The following POLR2D variants were observed in gnomAD, a reference collection of about 807,000 sequenced individuals.
The protein encoded by POLR2D is RNA polymerase II subunit D.
Under a neutral mutation model 17.6 loss-of-function variants are expected in POLR2D, and 10 were observed. That is an observed-to-expected ratio of 0.57 (90% CI 0.35 to 0.96). The LOEUF (loss-of-function observed/expected upper bound fraction) is 0.96. Among genes scored for constraint, POLR2D ranks in the 40% least tolerant of loss-of-function variants. POLR2D has a pLI of 0.02. For missense variants in POLR2D, 126 were observed against 176.4 expected (o/e 0.71, Z 1.62); for synonymous variants, 52 against 60.2 (o/e 0.86, Z 0.63).
At chr2:127,853,268 T>C (rs1690278073) in intron 1 of POLR2D, among the ~76,000 whole-genome samples, 163 bp from the exon 2 acceptor site, 1 of 152,192 alleles carries the variant, frequency 6.6e-6, no homozygotes, top group African/African-American at 2.4e-5. Flanking sequence ...TCAGAGTGCA[T>C]GTGCAGGTCT....
chr2:127,853,907 T>TG (rs1363599363), intron 1 of POLR2D, among the ~76,000 whole-genome samples: 1 of 152,258 alleles, frequency 6.6e-6, no homozygotes, highest in African/African-American at 2.4e-5. Context: ...AGCTAGATTC[T>TG]GACACCAAAA....
In POLR2D at chr2:127,858,112, G is replaced by A. The variant is rs534759954; in HGVS notation, c.-12C>T. Reference sequence around the variant, plus strand: ...CCACCCGCCGCCATCGCCGCGCCGCGCCGCGCGCCACCACCAGCGCCGCCG... The same window carrying A: ...CCACCCGCCGCCATCGCCGCGCCGCACCGCGCGCCACCACCAGCGCCGCCG... On this transcript the variant is annotated 5_prime_UTR_variant, in exon 1 of 4. Coordinates refer to ENST00000272645, the MANE Select transcript of POLR2D (RefSeq NM_004805.4). 7 of 1,480,140 alleles carry A rather than the reference G, an allele frequency of 4.7e-6. No homozygotes were observed. In the East Asian group the frequency reaches 1.7e-4, roughly 37 times the overall value. The allele number at this position is 1,480,140 out of a possible 1,614,324, so 91.7% of individuals were successfully genotyped here.
At chr2:127,851,902 T>C (rs943060948) in intron 2 of POLR2D, among the ~76,000 whole-genome samples, 2 of 152,198 alleles carry the variant, frequency 1.3e-5, no homozygotes, top group African/African-American at 2.4e-5. Flanking sequence ...GCAATTCTCC[T>C]TTCTCAGGCT....
chr2:127,850,775 A>G, intron 2 of POLR2D, 90 bp from the exon 3 acceptor site: 1 of 670,080 alleles, frequency 1.5e-6, no homozygotes, highest in Non-Finnish European at 2.7e-6. Context: ...AAAGGGATCA[A>G]ACGTAGCTAG....
At position 127,847,577 on chromosome 2, in the gene POLR2D, T is replaced by C. The variant is rs41552916; in HGVS notation, c.*530A>G. On this transcript the variant is annotated 3_prime_UTR_variant, in exon 4 of 4. Coordinates refer to ENST00000272645, the MANE Select transcript of POLR2D (RefSeq NM_004805.4). The stretch of plus-strand genomic sequence containing the variant: ...GCGGGGTCAAGACTTCAGTGAGCCA[T>C]GACTGTACGACTGCACTCCTCCAGC... 13,303 of 158,106 alleles carry C rather than the reference T, an allele frequency of 0.084. 650 individuals are homozygous for C. The highest frequency in any genetic ancestry group is 0.23 in the Middle Eastern group (69 of 302). The allele number at this position is 158,106 out of a possible 1,614,324, so 9.8% of individuals were successfully genotyped here.
rs1690263460 is a variant in POLR2D, at chr2:127,852,196, A to T, written c.254+729T>A. Among the ~76,000 whole-genome samples the T allele has an allele frequency of 6.6e-6, 1 of 152,198 alleles. No homozygotes were observed. Among genetic ancestry groups the T allele is most frequent in the African/African-American group, 2.4e-5 (1 of 41,442 alleles). On this transcript the variant is annotated intron_variant, in intron 2 of 3. Coordinates refer to ENST00000272645, the MANE Select transcript of POLR2D (RefSeq NM_004805.4). The surrounding 1 kb of genome is among the most constrained non-coding windows in gnomAD (Gnocchi z 4.0). ...TCCCCATCTCTAAAAAAAATAACAA[A>T]AAAAGTTACTTCCCCACTAACAGTA... is the stretch of plus-strand genomic sequence containing the variant.
intron 2 of POLR2D, among the ~76,000 whole-genome samples, chr2:127,850,889 C>A (rs1690241340): frequency 6.6e-6 from 1 of 152,042 alleles, no homozygotes; most frequent in South Asian, 2.1e-4. Flanking sequence ...AGTTCGAGAC[C>A]AGCCTGAGCA....
Position 127,848,135 on chromosome 2 carries a change from A to G in POLR2D, c.401T>C (p.Ile134Thr), listed in dbSNP as rs1690185140. The change falls in exon 4 of 4, where the codon ATC becomes ACC. Residue 134 changes from isoleucine to threonine, a missense_variant. Transcript: ENST00000272645. ...ATACTGAAAGCTGCGCTTTGTCTGGATATCATCAAGAATCTGCTGCAGCTC... is the reference window on the plus strand; with the variant it reads ...ATACTGAAAGCTGCGCTTTGTCTGGGTATCATCAAGAATCTGCTGCAGCTC... ...DEELQQILDD[I>T]QTKRSFQY is the part of the protein sequence containing the mutation. 7 of 1,612,512 alleles carry G rather than the reference A, an allele frequency of 4.3e-6. No homozygotes were observed. The highest frequency in any genetic ancestry group is 2.7e-5 in the African/African-American group (2 of 74,870).
chr2:127,851,727 A>G (rs2104724316), intron 2 of POLR2D, among the ~76,000 whole-genome samples: 3 of 152,362 alleles, frequency 2.0e-5, no homozygotes, highest in Middle Eastern at 6.8e-3. Context: ...ACATAGGTAC[A>G]AATACTATTA....
chr2:127,855,021 A>AC (rs1394371205), intron 1 of POLR2D, among the ~76,000 whole-genome samples: 1 of 149,724 alleles, frequency 6.7e-6, no homozygotes, highest in African/African-American at 2.5e-5. Flanking sequence ...AAAAAAAAAA[A>AC]GGGAAGCAGC....
At chr2:127,857,321 C>T (rs921761888) in intron 1 of POLR2D, among the ~76,000 whole-genome samples, 1 of 152,042 alleles carries the variant, frequency 6.6e-6, no homozygotes, top group East Asian at 1.9e-4. Context: ...CTATCTCAAT[C>T]AATAAATCAA....
Position 127,857,925 on chromosome 2 carries a change from C to A in POLR2D, c.73+103G>T, listed in dbSNP as rs996137780. ...GCCCCACGCCGCGCTGGGGCTTGCC[C>A]AAGCCGCCGCTGAGGCAGGGCCTTG... On this transcript the variant is annotated intron_variant, in intron 1 of 3. Transcript: ENST00000272645. The A allele has an allele frequency of 4.1e-6, 6 of 1,471,628 alleles. No individual in the cohort carries two copies. In the East Asian group the frequency reaches 1.4e-4, roughly 36 times the overall value. The allele number at this position is 1,471,628 out of a possible 1,614,324, so 91.2% of individuals were successfully genotyped here.
At chr2:127,851,082 G>A (rs562057031) in intron 2 of POLR2D, among the ~76,000 whole-genome samples, 1 of 152,250 alleles carries the variant, frequency 6.6e-6, no homozygotes, top group Non-Finnish European at 1.5e-5. Context: ...TTAGCTGGGT[G>A]CAGTGGCGGG....
At chr2:127,848,586 G>A (rs975300678) in intron 3 of POLR2D, among the ~76,000 whole-genome samples, 3 of 152,010 alleles carry the variant, frequency 2.0e-5, no homozygotes, top group Non-Finnish European at 2.9e-5. Flanking sequence ...GCGCAATCTC[G>A]GCTCACTGCA....
In POLR2D at chr2:127,852,946, TC is replaced by T; in HGVS notation, c.232del (p.Glu78ArgfsTer37). 6.2e-7 allele frequency: 1 copy of T among 1,613,752 alleles called. No individual in the cohort carries two copies. The highest frequency in any genetic ancestry group is 8.5e-7 in the Non-Finnish European group (1 of 1,179,824). Reference protein sequence around the residue: ...TARFSRFKNRETIASVRSLLL... With the variant: ...TARFSRFKNRXTIASVRSLLL... ...TCACCTACGAACACTGGCAATGGTC[TC>T]TCTGTTTTTGAAACGACTGAAACGG... On this transcript the variant is annotated frameshift_variant, in exon 2 of 4. Transcript: ENST00000272645. LOFTEE classifies it high-confidence loss of function. The surrounding 1 kb of genome is among the most constrained non-coding windows in gnomAD (Gnocchi z 4.0).
intron 1 of POLR2D, 69 bp downstream of exon 1, chr2:127,857,959 G>A (rs1690367255): frequency 3.9e-6 from 6 of 1,543,224 alleles, no homozygotes; most frequent in African/African-American, 2.9e-5. Flanking sequence ...TGGGCGAAGC[G>A]CGCATAACGC....
intron 2 of POLR2D, 24 bp from the exon 3 acceptor site, chr2:127,850,709 A>G: frequency 2.7e-6 from 3 of 1,094,138 alleles, no homozygotes; most frequent in Non-Finnish European, 4.1e-6. Context: ...AAAAAAAAAA[A>G]TCAAAATAAT....
rs1001511667 is a variant in POLR2D at position 127,844,222 on chromosome 2, G to C, written c.*3885C>G. 6.6e-6 allele frequency: 1 copy of C among 151,154 alleles called. No individual in the cohort carries two copies. The highest frequency in any genetic ancestry group is 1.5e-5 in the Non-Finnish European group (1 of 67,930). 9.4% of individuals were successfully genotyped at this position (151,154 alleles called of 1,614,324 possible). On this transcript the variant is annotated 3_prime_UTR_variant, in exon 4 of 4. Transcript: ENST00000272645. ...CATCTTGGACCAGAAAGCCGCCCTTGCCAGACACTGAACGTACCAGCACCT... is the reference window on the plus strand; with the variant it reads ...CATCTTGGACCAGAAAGCCGCCCTTCCCAGACACTGAACGTACCAGCACCT...
rs374104615 is a variant in POLR2D at position 127,850,633 on chromosome 2, G to A, written c.307C>T (p.Leu103Phe). The A allele has an allele frequency of 4.4e-6, 7 of 1,594,918 alleles. No homozygotes were observed. Among genetic ancestry groups the A allele is most frequent in the African/African-American group, 2.7e-5 (2 of 73,848 alleles). ...HKFELACLAN[L>F]CPETAEESKA... ...GACTCCTCAGCAGTCTCTGGGCAAA[G>A]GTTGGCCAAACAGGCCAACTCAAAC... Residue 103 changes from leucine (L) to phenylalanine (F), a missense_variant, in exon 3 of 4, where the codon CTT becomes TTT. By Grantham distance (22) the Leu-to-Phe change is conservative. This residue lies in a region of POLR2D where 85 missense variants were observed against 151.4 expected (regional missense o/e 0.56). Transcript: ENST00000272645.
Sources: allele counts gnomAD v4.1 joint callset (sites outside exome capture counted in the v4.1 genomes callset), GRCh38; gene constraint gnomAD v4.1.1; regional missense constraint gnomAD v4.1.1; non-coding constraint Gnocchi (gnomAD v3.1); transcripts MANE v1.5; gene names NCBI Gene and HGNC (gene_info 2026-07-23, HGNC 2026-07-21).